Variants in CLTRN observed in about 807,000 individuals in gnomAD.
CLTRN encodes the protein collectrin, amino acid transport regulator, also known as collectrin.
A neutral mutation model predicts 14.5 loss-of-function variants in CLTRN; 12 were observed. The ratio of observed to expected loss-of-function variants is 0.83; its 90% CI spans 0.53 to 1.34. The LOEUF is 1.34. Among genes scored for constraint, CLTRN ranks in the 40% most tolerant of loss-of-function variants. The pLI, the probability that CLTRN is intolerant of heterozygous loss-of-function variation, is 0.00. For missense variants in CLTRN, 154 were observed against 165.1 expected (o/e 0.93, Z 0.37); for synonymous variants, 58 against 56.5 (o/e 1.03, Z -0.12).
Position 15,670,352 on chromosome X carries a change from A to ACACAC in CLTRN, c.-505-2417_-505-2416insGTGTG, listed in dbSNP as rs1397043234. Among the ~76,000 whole-genome samples, 56 of 58,367 alleles carry ACACAC rather than the reference A, an allele frequency of 9.6e-4. No homozygotes were observed. The East Asian group carries it at 0.033, about 34-fold the overall frequency. The allele number at this position is 58,367 out of a possible 115,157, so 50.7% of individuals were successfully genotyped here. ...ACACACACACACACACACACACACA[A>ACACAC]ACCCCTTTGGAAGTTTTAATATCTT... On this transcript the variant is annotated intron_variant, in intron 1 of 6. Coordinates refer to the CLTRN transcript ENST00000650271.
upstream of CLTRN, chrX:15,664,876 G>T: frequency 1.4e-6 from 1 of 709,522 alleles, no homozygotes; most frequent in Non-Finnish European, 2.1e-6. Flanking sequence ...GAATATCAGA[G>T]AAACAAGCGA....
chrX:15,655,985 A>G (rs1929350102), intron 3 of CLTRN, among the ~76,000 whole-genome samples: 1 of 111,284 alleles, frequency 9.0e-6, no homozygotes, highest in Non-Finnish European at 1.9e-5. Context: ...AGTTGTCAAC[A>G]CCCTAGCTGG....
chrX:15,638,433 T>C (rs1928865224), intron 5 of CLTRN, among the ~76,000 whole-genome samples: 1 of 106,778 alleles, frequency 9.4e-6, no homozygotes, highest in South Asian at 4.4e-4. Flanking sequence ...GTGAAACATA[T>C]GGAAAGTAGT....
At chrX:15,664,597 G>T in intron 1 of CLTRN, 121 bp downstream of exon 1, 1 of 745,354 alleles carries the variant, frequency 1.3e-6, no homozygotes, top group Non-Finnish European at 2.0e-6. Context: ...AACACTCACT[G>T]CCCCAACTTT....
chrX:15,636,097 C>T (rs1470793814), intron 5 of CLTRN, among the ~76,000 whole-genome samples: 3 of 111,818 alleles, frequency 2.7e-5, no homozygotes, highest in African/African-American at 9.7e-5. Flanking sequence ...TACACTACTG[C>T]AGGAAATGTA....
chrX:15,661,536 G>A (rs1246715450), intron 2 of CLTRN, among the ~76,000 whole-genome samples: 1 of 112,310 alleles, frequency 8.9e-6, no homozygotes, highest in East Asian at 2.8e-4. Context: ...ATTTCTCCCA[G>A]GGCATTCAAA....
At chrX:15,665,305 G>A (rs991839268), upstream of CLTRN, among the ~76,000 whole-genome samples, 14 of 112,001 alleles carry the variant, frequency 1.2e-4, no homozygotes, top group Middle Eastern at 4.6e-3. Flanking sequence ...GGAGAGCTTC[G>A]GAGCTTCCTC....
At chrX:15,660,785 T>C (rs779842343) in intron 2 of CLTRN, among the ~76,000 whole-genome samples, 1 of 103,177 alleles carries the variant, frequency 9.7e-6, no homozygotes, top group African/African-American at 3.6e-5. Flanking sequence ...CCAGCCTGGA[T>C]GACAGAGTGA....
rs185733198 is a variant in CLTRN, at chrX:15,638,836, G to A, written c.512+726C>T. 3.3e-3 allele frequency among the ~76,000 whole-genome samples: 371 copies of A among 111,961 alleles called. 1 individual carries two copies. The highest frequency in any genetic ancestry group is 5.5e-3 in the Non-Finnish European group (292 of 53,190). Reference sequence around the variant, plus strand: ...CCAGAATCTAGGTAAACGAACTCAAGAAGTGAAACTCTACCTATAAATTGT... The same window carrying A: ...CCAGAATCTAGGTAAACGAACTCAAAAAGTGAAACTCTACCTATAAATTGT... On this transcript the variant is annotated intron_variant, in intron 5 of 5. Coordinates refer to ENST00000380342, the MANE Select transcript of CLTRN (RefSeq NM_020665.6).
chrX:15,674,493 C>T (rs1215659282), intron 1 of CLTRN, among the ~76,000 whole-genome samples: 1 of 112,478 alleles, frequency 8.9e-6, no homozygotes, highest in African/African-American at 3.2e-5. Flanking sequence ...GGTTAAAGGA[C>T]ATGAAACCTA....
chrX:15,652,941 C>T (rs1929256996), intron 3 of CLTRN, among the ~76,000 whole-genome samples: 1 of 110,668 alleles, frequency 9.0e-6, no homozygotes, highest in African/African-American at 3.3e-5. Flanking sequence ...ATTAGCCAGG[C>T]GTTGTGGCAG....
intron 3 of CLTRN, chrX:15,646,850 G>A (rs933931733): frequency 1.2e-4 from 37 of 309,406 alleles, no homozygotes; most frequent in South Asian, 8.6e-4. Flanking sequence ...CCGCCCGAGC[G>A]CAGAGGGAGC....
chrX:15,669,867 T>A (rs975754784), intron 1 of CLTRN, among the ~76,000 whole-genome samples: 3 of 112,481 alleles, frequency 2.7e-5, no homozygotes, highest in Non-Finnish European at 5.6e-5. Flanking sequence ...GTGACATTAT[T>A]CTGTATATTT....
At chrX:15,639,195 C>A (rs1375367612) in intron 5 of CLTRN, among the ~76,000 whole-genome samples, 3 of 111,924 alleles carry the variant, frequency 2.7e-5, no homozygotes, top group African/African-American at 9.8e-5. Flanking sequence ...TATGAACCTG[C>A]TGGCATTTGG....
chrX:15,673,238 T>G (rs1262217940), intron 1 of CLTRN, among the ~76,000 whole-genome samples: 2 of 112,792 alleles, frequency 1.8e-5, no homozygotes, highest in Non-Finnish European at 3.7e-5. Flanking sequence ...TTTAAAATAC[T>G]TGTTATCTCC....
rs1216988615 is a variant in CLTRN, at chrX:15,650,043, C to A, written c.204-5014G>T. On this transcript the variant is annotated intron_variant, in intron 3 of 5. Transcript: ENST00000380342. ...CTGGATAATTCTAGGTTGTCGGGGA[C>A]TGTCTATGTTTTGTATGATATATAG... 4.0e-5 allele frequency among the ~76,000 whole-genome samples: 4 copies of A among 100,109 alleles called. No individual in the cohort carries two copies. In the South Asian group the frequency reaches 2.0e-3, roughly 50 times the overall value. 86.9% of individuals were successfully genotyped at this position (100,109 alleles called of 115,157 possible).
chrX:15,667,960 T>C (rs1395062090), upstream of CLTRN, among the ~76,000 whole-genome samples: 6 of 112,516 alleles, frequency 5.3e-5, no homozygotes, highest in Non-Finnish European at 9.4e-5. Flanking sequence ...CAGTAAAATA[T>C]TGAGTTTCAG....
chrX:15,669,002 A>G (rs1246611825), upstream of CLTRN, among the ~76,000 whole-genome samples: 1 of 111,657 alleles, frequency 9.0e-6, no homozygotes, highest in Non-Finnish European at 1.9e-5. Context: ...TTTTGATTAT[A>G]TTATCTTTGT....
At chrX:15,656,035 T>TG (rs1929351863) in intron 3 of CLTRN, among the ~76,000 whole-genome samples, 1 of 111,601 alleles carries the variant, frequency 9.0e-6, no homozygotes, top group African/African-American at 3.3e-5. Context: ...TTCCCAGCCC[T>TG]GTTCAAGTCC....
Sources: gnomAD v4.1 joint callset for allele counts (sites outside exome capture counted in the v4.1 genomes callset) on GRCh38, gnomAD v4.1.1 for gene constraint, MANE v1.5 for transcripts, NCBI Gene and HGNC (gene_info 2026-07-23, HGNC 2026-07-21) for gene names.